Variants in ARNT2 observed in about 807,000 individuals in gnomAD.
ARNT2 encodes aryl hydrocarbon receptor nuclear translocator 2, also known as ARNT protein 2.
In ARNT2, 36 loss-of-function variants were observed where a neutral mutation model predicts 91.7. The observed-to-expected ratio is 0.39, with a 90% CI of 0.30 to 0.52. The LOEUF (loss-of-function observed/expected upper bound fraction) is 0.52, where lower values mean the gene tolerates loss of function less well. Ranked by LOEUF, ARNT2 falls within the 20% of genes least tolerant of loss-of-function variation. ARNT2 has a pLI of 0.72. For synonymous variants in ARNT2, 365 were observed against 347.1 expected (o/e 1.05, Z -0.57); for missense variants, 775 against 939.3 (o/e 0.83, Z 2.29).
At chr15:80,434,951 C>T (rs1896064672) in intron 1 of ARNT2, among the ~76,000 whole-genome samples, 1 of 152,116 alleles carries the variant, frequency 6.6e-6, no homozygotes, top group Non-Finnish European at 1.5e-5. Context: ...GCCACCTTCT[C>T]CTTTTATGTT....
At chr15:80,531,086 T>G (rs1446177378) in intron 8 of ARNT2, among the ~76,000 whole-genome samples, 1 of 152,250 alleles carries the variant, frequency 6.6e-6, no homozygotes, top group East Asian at 1.9e-4. Context: ...CGTGAACAAG[T>G]ACCCTTAACT....
chr15:80,519,684 CTTTT>C (rs1172255165), intron 8 of ARNT2, among the ~76,000 whole-genome samples: 2 of 121,264 alleles, frequency 1.6e-5, no homozygotes, highest in African/African-American at 3.4e-5. Flanking sequence ...AGGTATGTAG[CTTTT>C]TTTTTTTTTT....
At chr15:80,492,921 G>A (rs1033415573) in intron 5 of ARNT2, among the ~76,000 whole-genome samples, 2 of 152,092 alleles carry the variant, frequency 1.3e-5, no homozygotes, top group Admixed American at 6.5e-5. Context: ...TCAACATATT[G>A]TGTTCTTTCT....
chr15:80,432,876 G>A (rs530566459), intron 1 of ARNT2, among the ~76,000 whole-genome samples: 98 of 152,108 alleles, frequency 6.4e-4, no homozygotes, highest in Middle Eastern at 3.4e-3. Flanking sequence ...TTAAGACATC[G>A]AGGAGCATCC....
chr15:80,552,507 T>C, intron 9 of ARNT2, 133 bp from the exon 10 acceptor site: 4 of 1,170,052 alleles, frequency 3.4e-6, no homozygotes, highest in South Asian at 1.5e-5. Context: ...TTGAACACTT[T>C]AGGGTCATCG....
At chr15:80,534,902 C>T (rs1897795957) in intron 8 of ARNT2, among the ~76,000 whole-genome samples, 2 of 152,158 alleles carry the variant, frequency 1.3e-5, no homozygotes, top group South Asian at 4.1e-4. Flanking sequence ...TCCTACTGTA[C>T]CTGAACCCAG....
chr15:80,557,733 A>T (rs1422204244), intron 11 of ARNT2, among the ~76,000 whole-genome samples: 1 of 150,572 alleles, frequency 6.6e-6, no homozygotes, highest in African/African-American at 2.4e-5. Context: ...CCTCAATCCC[A>T]CTCCACACAT....
At chr15:80,554,583 T>TGATGATAA (rs1898143370) in intron 10 of ARNT2, 1 of 160,034 alleles carries the variant, frequency 6.2e-6, no homozygotes, top group Non-Finnish European at 1.4e-5. Context: ...CATAGACTAA[T>TGATGATAA]GATGATAAAT....
Position 80,455,957 on chromosome 15 carries a change from C to T in ARNT2, c.147-1972C>T, listed in dbSNP as rs1018206451. Among the ~76,000 whole-genome samples, 5 of 152,226 alleles carry T rather than the reference C, an allele frequency of 3.3e-5. No homozygotes were observed. In the East Asian group the frequency reaches 7.7e-4, roughly 24 times the overall value. On this transcript the variant is annotated intron_variant, in intron 2 of 18. Coordinates refer to ENST00000303329, the MANE Select transcript of ARNT2 (RefSeq NM_014862.4). ...GGGTGTTAAATAACCTTCATGTGGA[C>T]GGCAAAATCGCTCTTCCCCATGGTG...
intron 9 of ARNT2, among the ~76,000 whole-genome samples, chr15:80,552,432 GA>G (rs1772475635): frequency 6.6e-6 from 1 of 152,214 alleles, no homozygotes; most frequent in Non-Finnish European, 1.5e-5. Context: ...TAAGGCAACT[GA>G]AGTTCAGAAA....
chr15:80,582,269 A>G (rs1898812837), intron 17 of ARNT2, among the ~76,000 whole-genome samples: 1 of 151,208 alleles, frequency 6.6e-6, no homozygotes, highest in Non-Finnish European at 1.5e-5. Context: ...AAGGTGGCAG[A>G]TCACCGGAGC....
intron 10 of ARNT2, among the ~76,000 whole-genome samples, chr15:80,554,229 TG>T (rs1898135966): frequency 6.6e-6 from 1 of 151,986 alleles, no homozygotes; most frequent in Non-Finnish European, 1.5e-5. Context: ...ACCAACATGG[TG>T]AAACCCTGTC....
intron 10 of ARNT2, 123 bp downstream of exon 10, chr15:80,552,897 C>A: frequency 4.0e-6 from 5 of 1,262,166 alleles, no homozygotes; most frequent in Non-Finnish European, 5.5e-6. Context: ...GACCCATATA[C>A]CCTGCCTAGA....
chr15:80,522,115 T>C (rs1303877150), intron 8 of ARNT2, among the ~76,000 whole-genome samples: 1 of 152,198 alleles, frequency 6.6e-6, no homozygotes, highest in Admixed American at 6.5e-5. Context: ...GTAAGCACCT[T>C]AATGCAGTTC....
At chr15:80,485,201 G>A (rs1896950004) in intron 5 of ARNT2, among the ~76,000 whole-genome samples, 1 of 152,210 alleles carries the variant, frequency 6.6e-6, no homozygotes, top group Admixed American at 6.5e-5. Flanking sequence ...TGGTACTGTT[G>A]ACAAGGGAAG....
At chr15:80,464,389 A>G (rs1415857404) in intron 3 of ARNT2, among the ~76,000 whole-genome samples, 2 of 152,144 alleles carry the variant, frequency 1.3e-5, no homozygotes, top group Non-Finnish European at 2.9e-5. Flanking sequence ...GTAAGTTGCT[A>G]TAGAAACATG....
chr15:80,425,139 A>G (rs1799422219), intron 1 of ARNT2, among the ~76,000 whole-genome samples: 1 of 152,244 alleles, frequency 6.6e-6, no homozygotes, highest in Non-Finnish European at 1.5e-5. Context: ...AGCTGCTCAC[A>G]GTAGCCTTGT....
intron 8 of ARNT2, among the ~76,000 whole-genome samples, chr15:80,544,419 A>G (rs56146531): frequency 0.31 from 46,453 of 152,052 alleles, 7,536 homozygotes; most frequent in Non-Finnish European, 0.35. Context: ...ATTGCCTGAT[A>G]TCTAGTGTCT....
rs551577162 is a variant in ARNT2, at chr15:80,581,474, A to G, written c.1918+70A>G. On this transcript the variant is annotated intron_variant, in intron 17 of 18. Coordinates refer to ENST00000303329, the MANE Select transcript of ARNT2 (RefSeq NM_014862.4). ...AATGCTTTCTGAACAGCCTGAATTC[A>G]GGAGGCTGAGCTCCAAGCTCCCAGC... 5 of 1,587,596 alleles carry G rather than the reference A, an allele frequency of 3.1e-6. No individual in the cohort carries two copies. The East Asian group carries it at 1.1e-4, about 36-fold the overall frequency.
Sources: allele counts gnomAD v4.1 joint callset (sites outside exome capture counted in the v4.1 genomes callset), GRCh38; gene constraint gnomAD v4.1.1; transcripts MANE v1.5; gene names NCBI Gene and HGNC (gene_info 2026-07-23, HGNC 2026-07-21).